PTPRT: variants seen among roughly 807,000 people sequenced by gnomAD.
PTPRT encodes protein tyrosine phosphatase receptor type T.
PTPRT carries 56 observed loss-of-function variants against 176.8 expected under a neutral mutation model. The observed-to-expected ratio is 0.32, with a 90% CI of 0.26 to 0.40. PTPRT has a LOEUF of 0.40. Among genes scored for constraint, PTPRT ranks in the 10% least tolerant of loss-of-function variants. The probability of loss-of-function intolerance (pLI) is 1.00; values close to 1 mark genes in which losing one functional copy is unlikely to be tolerated. For synonymous variants in PTPRT, 783 were observed against 739.0 expected, an observed-to-expected ratio of 1.06 and a Z score of -0.96; for missense variants, 1,540 against 1,908.2, an observed-to-expected ratio of 0.81 and a Z score of 3.60.
At chr20:42,866,093 G>A (rs1031182270) in intron 2 of PTPRT, among the ~76,000 whole-genome samples, 3 of 152,268 alleles carry the variant, frequency 2.0e-5, no homozygotes, top group Admixed American at 2.0e-4. Context: ...GTTGGGATAG[G>A]ACCCAGGAAT....
In PTPRT at chr20:42,650,650, T is replaced by C. The variant is rs574886057; in HGVS notation, c.1153+27216A>G. Among the ~76,000 whole-genome samples, 12 of 152,346 alleles carry C rather than the reference T, an allele frequency of 7.9e-5. No homozygotes were observed. In the South Asian group the frequency reaches 2.5e-3, roughly 32 times the overall value. ...CAAGAAAAGTGCTTTTATTCTCTGC[T>C]GCTTGCATTTCTGTCTTGGCTCTGC... On this transcript the variant is annotated intron_variant, in intron 7 of 30. Transcript: ENST00000373187.
intron 1 of PTPRT, among the ~76,000 whole-genome samples, chr20:42,941,742 T>C (rs191228493): frequency 2.6e-5 from 4 of 152,318 alleles, no homozygotes; most frequent in Non-Finnish European, 5.9e-5. Context: ...TGTTCTTAGA[T>C]GCCCAGGTTG....
chr20:42,581,999 C>A (rs151239226), intron 7 of PTPRT, among the ~76,000 whole-genome samples: 2 of 152,198 alleles, frequency 1.3e-5, no homozygotes, highest in Non-Finnish European at 2.9e-5. Context: ...AAAAAAGGGG[C>A]TGGAATGCTG....
At chr20:42,927,046 A>G (rs1979531315) in intron 1 of PTPRT, among the ~76,000 whole-genome samples, 2 of 152,188 alleles carry the variant, frequency 1.3e-5, no homozygotes, top group Admixed American at 6.5e-5. Context: ...TGGGATGTGC[A>G]GGTGGGGTTG....
chr20:43,158,829 C>T (rs568260458), intron 1 of PTPRT, among the ~76,000 whole-genome samples: 33 of 152,174 alleles, frequency 2.2e-4, no homozygotes, highest in Non-Finnish European at 4.3e-4. Context: ...AGCTGTGTGA[C>T]CTTGGGCAAG....
intron 16 of PTPRT, among the ~76,000 whole-genome samples, chr20:42,182,395 G>A (rs1471849706): frequency 6.6e-6 from 1 of 152,158 alleles, no homozygotes; most frequent in Non-Finnish European, 1.5e-5. Context: ...GAGAATGATG[G>A]GATAGAATAA....
intron 1 of PTPRT, among the ~76,000 whole-genome samples, chr20:42,916,536 C>T (rs776987380): frequency 5.9e-5 from 9 of 152,202 alleles, no homozygotes; most frequent in African/African-American, 1.9e-4. Context: ...TGAGGAATCG[C>T]CACACTGACT....
intron 16 of PTPRT, among the ~76,000 whole-genome samples, chr20:42,182,681 A>G (rs906186131): frequency 2.6e-5 from 4 of 152,162 alleles, no homozygotes; most frequent in Non-Finnish European, 5.9e-5. Flanking sequence ...GAATAAGAAC[A>G]CTCATTTCAA....
intron 1 of PTPRT, among the ~76,000 whole-genome samples, chr20:42,959,495 C>A (rs1436565574): frequency 1.3e-5 from 2 of 152,056 alleles, no homozygotes; most frequent in Non-Finnish European, 2.9e-5. Flanking sequence ...ACAGAAAAGC[C>A]CTTGAAAGTA....
At chr20:42,849,499 G>A in intron 2 of PTPRT, among the ~76,000 whole-genome samples, 1 of 152,142 alleles carries the variant, frequency 6.6e-6, no homozygotes, top group Non-Finnish European at 1.5e-5. Context: ...TTTCCCAAGA[G>A]GACAATTTTG....
chr20:42,545,447 A>G (rs930021432), intron 7 of PTPRT, among the ~76,000 whole-genome samples: 11 of 151,988 alleles, frequency 7.2e-5, no homozygotes, highest in African/African-American at 2.7e-4. Flanking sequence ...CACTTTTTGC[A>G]CTCAATGCAC....
At position 42,372,387 on chromosome 20, in the gene PTPRT, G is replaced by A. The variant is rs142177031; in HGVS notation, c.1561-20102C>T. ...CAACCTCTGCCTCCTGGGTTCAAGC[G>A]ATTCTCCTGTCTCGGCCTCCTAAGT... On this transcript the variant is annotated intron_variant, in intron 9 of 30. Transcript: ENST00000373187. Among the ~76,000 whole-genome samples, 158 of 147,948 alleles carry A rather than the reference G, an allele frequency of 1.1e-3. No individual in the cohort carries two copies. In the East Asian group the frequency reaches 0.017, roughly 16 times the overall value.
chr20:42,280,859 T>G (rs187118071), intron 13 of PTPRT, among the ~76,000 whole-genome samples: 1 of 152,128 alleles, frequency 6.6e-6, no homozygotes, highest in Non-Finnish European at 1.5e-5. Context: ...TCAGGTCTCA[T>G]GTTTCCAATT....
intron 6 of PTPRT, among the ~76,000 whole-genome samples, chr20:42,678,439 T>TA (rs1316813054): frequency 6.6e-6 from 1 of 152,166 alleles, no homozygotes; most frequent in African/African-American, 2.4e-5. Context: ...TAGCTGGGAT[T>TA]ACAGGCACCT....
chr20:43,042,564 T>C (rs1029897022), intron 1 of PTPRT, among the ~76,000 whole-genome samples: 3 of 152,064 alleles, frequency 2.0e-5, no homozygotes, highest in African/African-American at 7.2e-5. Flanking sequence ...GACCTTAGAA[T>C]CTTTCACAAG....
chr20:42,980,335 T>C (rs1425953705), intron 1 of PTPRT, among the ~76,000 whole-genome samples: 1 of 152,174 alleles, frequency 6.6e-6, no homozygotes, highest in Non-Finnish European at 1.5e-5. Context: ...CACGGTCTCA[T>C]TCTGTAACCT....
At chr20:42,838,309 C>T (rs756804110) in intron 2 of PTPRT, among the ~76,000 whole-genome samples, 1 of 152,178 alleles carries the variant, frequency 6.6e-6, no homozygotes, top group African/African-American at 2.4e-5. Context: ...TGAGTCACTG[C>T]GCTCAGCCCA....
intron 1 of PTPRT, among the ~76,000 whole-genome samples, chr20:42,990,773 T>A (rs1311174223): frequency 6.6e-6 from 1 of 152,104 alleles, no homozygotes; most frequent in Non-Finnish European, 1.5e-5. Flanking sequence ...ATGAAGGGAA[T>A]AAAATGGTGA....
intron 1 of PTPRT, among the ~76,000 whole-genome samples, chr20:43,039,642 A>C (rs774278518): frequency 1.3e-5 from 2 of 152,118 alleles, no homozygotes; most frequent in African/African-American, 2.4e-5. Context: ...AAAACCCAAA[A>C]TCAAGTAAAA....
Sources: allele counts gnomAD v4.1 joint callset (sites outside exome capture counted in the v4.1 genomes callset), GRCh38; gene constraint gnomAD v4.1.1; transcripts MANE v1.5; gene names NCBI Gene and HGNC (gene_info 2026-07-23, HGNC 2026-07-21).